Variants in CFAP44 observed in about 807,000 individuals in gnomAD.
CFAP44 encodes the protein cilia and flagella associated protein 44.
CFAP44 carries 134 observed loss-of-function variants against 216.2 expected under a neutral mutation model. The observed-to-expected ratio is 0.62, with a 90% CI of 0.54 to 0.72. CFAP44 has a LOEUF of 0.72. CFAP44 is among the 30% of genes least tolerant of loss of function. CFAP44 has a pLI of 0.00. For missense variants in CFAP44, 2,035 were observed against 2,182.1 expected (o/e 0.93, Z 1.34); for synonymous variants, 700 against 727.6 (o/e 0.96, Z 0.61).
chr3:113,302,026 AT>A (rs1294394278), intron 32 of CFAP44, among the ~76,000 whole-genome samples: 2 of 151,940 alleles, frequency 1.3e-5, no homozygotes, highest in Non-Finnish European at 2.9e-5. Context: ...GTCATGTGGT[AT>A]TTTCTTTCTG....
intron 3 of CFAP44, chr3:113,426,821 T>C (rs548224592): frequency 4.6e-6 from 1 of 219,360 alleles, no homozygotes; most frequent in African/African-American, 2.3e-5. Context: ...AGAGCCATTA[T>C]GCCCACGTGC....
chr3:113,330,550 A>G lies in CFAP44; in HGVS notation c.3734T>C (p.Leu1245Pro), dbSNP rs921359884. ...VQELKNIQST[L>P]HISKHIPIPK... ...AATGGGTATGTGCTTGGATATGTGAAGAGTCGACTGAATGTTCTTCAGTTC... is the reference window on the plus strand; with the variant it reads ...AATGGGTATGTGCTTGGATATGTGAGGAGTCGACTGAATGTTCTTCAGTTC... Residue 1245 changes from leucine (L) to proline (P), a missense_variant, in exon 26 of 35, where the codon CTT becomes CCT. Leu to Pro is a moderately conservative substitution (Grantham distance 98, BLOSUM62 -3). Around this residue, in one of 3 missense-constraint regions of CFAP44, gnomAD observed 1,883 missense variants for 2,023.7 expected, o/e 0.93. Coordinates refer to ENST00000393845, the MANE Select transcript of CFAP44 (RefSeq NM_001164496.2). 2.0e-6 allele frequency: 3 copies of G among 1,537,122 alleles called. No homozygotes were observed. Among genetic ancestry groups the G allele is most frequent in the Admixed American group, 3.9e-5 (2 of 50,976 alleles).
chr3:113,435,131 G>A lies in CFAP44; in HGVS notation c.-5-1462C>T, dbSNP rs143847345. ...CTGGCAGTTTGACAGGCTGAGGCAG[G>A]AGGACTGCTTGAGACCAGGAGTTCA... On this transcript the variant is annotated intron_variant, in intron 1 of 34. Transcript: ENST00000393845. Among the ~76,000 whole-genome samples the A allele has an allele frequency of 1.7e-3, 255 of 152,302 alleles. 1 individual carries two copies. The highest frequency in any genetic ancestry group is 5.5e-3 in the African/African-American group (228 of 41,568).
At chr3:113,360,969 A>G in intron 21 of CFAP44, 1 of 273,380 alleles carries the variant, frequency 3.7e-6, no homozygotes, top group Non-Finnish European at 7.5e-6. Flanking sequence ...CTGTGTATGA[A>G]TTTTGATGGT....
chr3:113,376,567 C>A (rs1249070862), intron 17 of CFAP44, among the ~76,000 whole-genome samples: 1 of 152,114 alleles, frequency 6.6e-6, no homozygotes, highest in African/African-American at 2.4e-5. Flanking sequence ...TCTTAGAAGC[C>A]AAGAGAAGAA....
intron 4 of CFAP44, among the ~76,000 whole-genome samples, chr3:113,425,056 G>A (rs1934923395): frequency 6.6e-6 from 1 of 151,952 alleles, no homozygotes; most frequent in Admixed American, 6.6e-5. Context: ...GGGAAAAAAA[G>A]GCTAAAAGAA....
At chr3:113,304,367 A>T in intron 31 of CFAP44, 1 of 449,784 alleles carries the variant, frequency 2.2e-6, no homozygotes, top group Non-Finnish European at 4.0e-6. Context: ...TCTACTGCAT[A>T]ATGATGTGAC....
intron 17 of CFAP44, 24 bp from the exon 18 acceptor site, chr3:113,373,580 G>C: frequency 1.3e-6 from 2 of 1,525,106 alleles, no homozygotes; most frequent in African/African-American, 2.8e-5. Flanking sequence ...AAGTAACATA[G>C]AAGGTGGTAC....
chr3:113,404,060 A>T, intron 8 of CFAP44, 44 bp from the exon 9 acceptor site: 1 of 1,543,692 alleles, frequency 6.5e-7, no homozygotes, highest in Non-Finnish European at 8.8e-7. Context: ...AAAACAGGTA[A>T]GTGTACATAT....
intron 26 of CFAP44, among the ~76,000 whole-genome samples, chr3:113,328,216 T>C (rs915380294): frequency 6.6e-6 from 1 of 151,390 alleles, no homozygotes; most frequent in Non-Finnish European, 1.5e-5. Context: ...TCCCAACTTC[T>C]TATGTTGAAA....
intron 15 of CFAP44, among the ~76,000 whole-genome samples, chr3:113,382,244 C>G (rs9852068): frequency 0.026 from 4,002 of 152,198 alleles, 66 homozygotes; most frequent in Middle Eastern, 0.058. Flanking sequence ...ACCAGCAAAG[C>G]ATAGTATCAC....
intron 24 of CFAP44, among the ~76,000 whole-genome samples, chr3:113,335,180 T>C (rs927473846): frequency 1.1e-4 from 16 of 152,056 alleles, no homozygotes; most frequent in African/African-American, 3.6e-4. Flanking sequence ...ACCAGAAAAC[T>C]GAACAAAAAA....
chr3:113,387,873 T>C (rs911639562), intron 15 of CFAP44, among the ~76,000 whole-genome samples: 2 of 152,052 alleles, frequency 1.3e-5, no homozygotes, highest in Non-Finnish European at 2.9e-5. Context: ...TGAAGAGCCC[T>C]TGGGCCTTGA....
rs747011698 is a variant in CFAP44 at position 113,373,531 on chromosome 3, T to C, written c.2324A>G (p.Tyr775Cys). The C allele has an allele frequency of 3.1e-6, 5 of 1,595,630 alleles. No individual in the cohort carries two copies. Among genetic ancestry groups the C allele is most frequent in the South Asian group, 1.1e-5 (1 of 87,524 alleles). Residue 775 changes from tyrosine to cysteine, a missense_variant, in exon 18 of 35, where the codon TAT becomes TGT. Coordinates refer to ENST00000393845, the MANE Select transcript of CFAP44 (RefSeq NM_001164496.2). ...SLGGYDSGFL[Y>C]HCEFPPCDES... ...ATCACAAGGGGGGAACTCACAGTGATATAGAAAACCAGAATCATAGCCACC... is the reference window on the plus strand; with the variant it reads ...ATCACAAGGGGGGAACTCACAGTGACATAGAAAACCAGAATCATAGCCACC...
At chr3:113,437,935 A>G (rs1935274554) in intron 1 of CFAP44, among the ~76,000 whole-genome samples, 1 of 152,190 alleles carries the variant, frequency 6.6e-6, no homozygotes, top group African/African-American at 2.4e-5. Flanking sequence ...TGATCCTTTA[A>G]TATGTAAAAT....
intron 14 of CFAP44, 106 bp downstream of exon 14, chr3:113,396,412 G>T: frequency 1.6e-6 from 2 of 1,233,150 alleles, no homozygotes; most frequent in Non-Finnish European, 1.1e-6. Flanking sequence ...TGAATATATT[G>T]ATAGAAAATG....
At position 113,432,349 on chromosome 3, in the gene CFAP44, C is replaced by T. The variant is rs1445247868; in HGVS notation, c.100+1216G>A. 50 of 152,100 alleles carry T rather than the reference C, an allele frequency of 3.3e-4. 1 individual carries two copies. The highest frequency in any genetic ancestry group is 1.0e-4 in the Non-Finnish European group (7 of 68,014). The allele number at this position is 152,100 out of a possible 1,614,324, so 9.4% of individuals were successfully genotyped here. A position where few individuals can be genotyped will look rare whatever the true frequency, so the allele number is the denominator to read the frequency against. On this transcript the variant is annotated intron_variant, in intron 2 of 34. Transcript: ENST00000393845. ...TGCACTATTTAAAAATTATTTTGCC[C>T]ATTTTTTTGACTTTTAGAAAATTAT...
chr3:113,426,011 A>AT, intron 4 of CFAP44, 113 bp downstream of exon 4: 1 of 1,304,954 alleles, frequency 7.7e-7, no homozygotes, highest in Non-Finnish European at 1.1e-6. Flanking sequence ...ATAAAACTTG[A>AT]TTTACCAAAA....
intron 30 of CFAP44, 48 bp downstream of exon 30, chr3:113,306,153 G>A (rs1300870465): frequency 2.6e-6 from 4 of 1,511,156 alleles, no homozygotes; most frequent in Non-Finnish European, 2.6e-6. Context: ...ATAGCTAGGA[G>A]GATGTGTAGC....
Sources: gnomAD v4.1 joint callset for allele counts (sites outside exome capture counted in the v4.1 genomes callset) on GRCh38, gnomAD v4.1.1 for gene constraint, gnomAD v4.1.1 regional missense constraint, MANE v1.5 for transcripts, NCBI Gene and HGNC (gene_info 2026-07-23, HGNC 2026-07-21) for gene names.